The following MDGA2 variants were observed in gnomAD, a reference collection of about 807,000 sequenced individuals.
MDGA2 encodes the protein MAM domain-containing glycosylphosphatidylinositol anchor protein 2.
In MDGA2, 40 loss-of-function variants were observed where a neutral mutation model predicts 117.8. That is an observed-to-expected ratio of 0.34 (90% CI 0.26 to 0.44). The LOEUF (loss-of-function observed/expected upper bound fraction) is 0.44, where lower values mean the gene tolerates loss of function less well. Among genes scored for constraint, MDGA2 ranks in the 20% least tolerant of loss-of-function variants. MDGA2 has a pLI of 1.00. For synonymous variants in MDGA2, 452 were observed against 439.0 expected, an observed-to-expected ratio of 1.03 and a Z score of -0.37; for missense variants, 1,123 against 1,250.6, an observed-to-expected ratio of 0.90 and a Z score of 1.54.
In MDGA2 at chr14:47,467,996, C is replaced by T. The variant is rs373402765; in HGVS notation, c.281-166446G>A. Reference sequence around the variant, plus strand: ...AGAAGTTGAAGAAACAAGACCTTATCCTATAATAATGGGTAGTTATGGAAA... The same window carrying T: ...AGAAGTTGAAGAAACAAGACCTTATTCTATAATAATGGGTAGTTATGGAAA... On this transcript the variant is annotated intron_variant, in intron 1 of 16. Transcript: ENST00000399232. Among the ~76,000 whole-genome samples the T allele has an allele frequency of 3.9e-5, 6 of 152,196 alleles. No homozygotes were observed. In the South Asian group the frequency reaches 1.0e-3, roughly 26 times the overall value.
chr14:47,165,094 C>G (rs1883811259), intron 3 of MDGA2, among the ~76,000 whole-genome samples: 1 of 151,952 alleles, frequency 6.6e-6, no homozygotes, highest in African/African-American at 2.4e-5. Flanking sequence ...CACACCGGGG[C>G]CTGTTGTGGG....
chr14:47,234,352 T>C (rs1380845720), intron 2 of MDGA2, among the ~76,000 whole-genome samples: 1 of 151,938 alleles, frequency 6.6e-6, no homozygotes, highest in African/African-American at 2.4e-5. Flanking sequence ...AGGTAAATTA[T>C]AGACACCGTT....
intron 14 of MDGA2, among the ~76,000 whole-genome samples, chr14:46,862,379 C>G (rs1881545144): frequency 6.7e-6 from 1 of 149,726 alleles, no homozygotes; most frequent in Admixed American, 6.7e-5. Context: ...TGGCATTATG[C>G]AATAGCCTGA....
intron 1 of MDGA2, among the ~76,000 whole-genome samples, chr14:47,532,846 C>T (rs1406407728): frequency 6.6e-6 from 1 of 152,146 alleles, no homozygotes; most frequent in Non-Finnish European, 1.5e-5. Context: ...TATCCAGTGC[C>T]TCAAACAATG....
chr14:47,070,060 T>C lies in MDGA2; in HGVS notation c.1196-8482A>G, dbSNP rs543526110. Among the ~76,000 whole-genome samples the C allele has an allele frequency of 9.8e-5, 15 of 152,298 alleles. No homozygotes were observed. In the East Asian group the frequency reaches 2.7e-3, roughly 27 times the overall value. On this transcript the variant is annotated intron_variant, in intron 6 of 16. Transcript: ENST00000399232. ...TCCATCCCTTCAAGCATTTATCCTT[T>C]GTGTTACAATCCAATTATATGCTTT...
chr14:47,053,634 TATATATATATATATATATATAC>T (rs1376662368), intron 7 of MDGA2, among the ~76,000 whole-genome samples: 1,708 of 83,300 alleles, frequency 0.021, 75 homozygotes, highest in African/African-American at 0.058. Context: ...TATATATATA[TATATATATATATATATATATAC>T]ACACACACAC....
intron 5 of MDGA2, among the ~76,000 whole-genome samples, chr14:47,106,853 C>T (rs920060576): frequency 2.1e-5 from 3 of 141,638 alleles, no homozygotes; most frequent in Non-Finnish European, 3.1e-5. Context: ...GCTTCTAAAC[C>T]TCTTAAAACT....
At chr14:47,048,107 A>G (rs1469662481) in intron 7 of MDGA2, among the ~76,000 whole-genome samples, 1 of 152,050 alleles carries the variant, frequency 6.6e-6, no homozygotes, top group Non-Finnish European at 1.5e-5. Flanking sequence ...TCTATGAAAT[A>G]ACGAGTTTTG....
chr14:46,905,447 C>T (rs538497888), intron 10 of MDGA2, among the ~76,000 whole-genome samples: 7 of 152,106 alleles, frequency 4.6e-5, no homozygotes, highest in African/African-American at 1.4e-4. Flanking sequence ...TTTGAGATTG[C>T]GTGCAAACTA....
At chr14:46,947,469 T>G (rs1188175442) in intron 9 of MDGA2, among the ~76,000 whole-genome samples, 1 of 152,078 alleles carries the variant, frequency 6.6e-6, no homozygotes, top group Non-Finnish European at 1.5e-5. Flanking sequence ...CTAGCCAATA[T>G]GGTTTGGCTG....
chr14:47,088,606 C>A (rs1436927506), intron 6 of MDGA2, among the ~76,000 whole-genome samples: 1 of 152,118 alleles, frequency 6.6e-6, no homozygotes, highest in African/African-American at 2.4e-5. Flanking sequence ...TGCATATGGG[C>A]TATATTTGAT....
intron 1 of MDGA2, among the ~76,000 whole-genome samples, chr14:47,348,502 G>T (rs1235640416): frequency 6.6e-6 from 1 of 152,062 alleles, no homozygotes; most frequent in Non-Finnish European, 1.5e-5. Flanking sequence ...ATGAGCTACC[G>T]CATCAGGCCC....
intron 1 of MDGA2, among the ~76,000 whole-genome samples, chr14:47,500,248 A>G (rs951352889): frequency 1.3e-5 from 2 of 152,242 alleles, no homozygotes; most frequent in East Asian, 3.9e-4. Context: ...CCTGTGACTG[A>G]ACAATTGACC....
intron 1 of MDGA2, among the ~76,000 whole-genome samples, chr14:47,338,181 T>A (rs530299370): frequency 1.3e-5 from 2 of 152,112 alleles, no homozygotes; most frequent in South Asian, 4.1e-4. Context: ...TTAATTAGCA[T>A]GCCATCAAAC....
intron 7 of MDGA2, among the ~76,000 whole-genome samples, chr14:47,044,180 G>A (rs1889175879): frequency 1.3e-5 from 2 of 151,570 alleles, no homozygotes; most frequent in African/African-American, 4.8e-5. Context: ...ATCAGCTCTT[G>A]ATTATCCAAG....
At chr14:47,600,927 GC>G (rs1299990593) in intron 1 of MDGA2, among the ~76,000 whole-genome samples, 2 of 152,130 alleles carry the variant, frequency 1.3e-5, no homozygotes, top group Non-Finnish European at 2.9e-5. Context: ...AAAATTGTAT[GC>G]TGTTAATATA....
In MDGA2 at chr14:47,515,894, AT is replaced by A. The variant is rs1894741405; in HGVS notation, c.280+158622del. Among the ~76,000 whole-genome samples the A allele has an allele frequency of 2.6e-5, 4 of 152,294 alleles. No homozygotes were observed. In the South Asian group the frequency reaches 8.3e-4, roughly 32 times the overall value. On this transcript the variant is annotated intron_variant, in intron 1 of 16. Coordinates refer to ENST00000399232, the MANE Select transcript of MDGA2 (RefSeq NM_001113498.3). ...CAAATAGTACAGAACCAATATCTAC[AT>A]GTTTATTTCAAATTCTGAAACACCA...
intron 1 of MDGA2, among the ~76,000 whole-genome samples, chr14:47,541,605 T>TAGTAAATTTTCAGAAGGAACATCTG (rs1288257938): frequency 6.6e-6 from 1 of 152,142 alleles, no homozygotes; most frequent in Non-Finnish European, 1.5e-5. Flanking sequence ...AGCCCACACA[T>TAGTAAATTTTCAGAAGGAACATCTG]AGTAAATTTT....
At chr14:47,165,785 A>C (rs1883845316) in intron 3 of MDGA2, among the ~76,000 whole-genome samples, 1 of 152,220 alleles carries the variant, frequency 6.6e-6, no homozygotes, top group Non-Finnish European at 1.5e-5. Context: ...AATTAGTAGT[A>C]ATAATGGAAC....
Sources: gnomAD v4.1 joint callset for allele counts (sites outside exome capture counted in the v4.1 genomes callset) on GRCh38, gnomAD v4.1.1 for gene constraint, MANE v1.5 for transcripts, NCBI Gene and HGNC (gene_info 2026-07-23, HGNC 2026-07-21) for gene names.